Variants in TTC7B observed in about 807,000 individuals in gnomAD.
TTC7B encodes tetratricopeptide repeat domain 7B, also known as tetratricopeptide repeat protein 7B.
Under a neutral mutation model 106.8 loss-of-function variants are expected in TTC7B, and 28 were observed. The observed-to-expected ratio is 0.26, with a 90% confidence interval of 0.19 to 0.36. The LOEUF (loss-of-function observed/expected upper bound fraction) is 0.36. Ranked by LOEUF, TTC7B falls within the 10% of genes least tolerant of loss-of-function variation. TTC7B has a pLI of 1.00. For missense variants in TTC7B, 862 were observed against 1,076.4 expected, an observed-to-expected ratio of 0.80 and a Z score of 2.79; for synonymous variants, 405 against 430.6, an observed-to-expected ratio of 0.94 and a Z score of 0.74.
At chr14:90,677,528 T>C (rs1886887585) in intron 8 of TTC7B, among the ~76,000 whole-genome samples, 2 of 152,230 alleles carry the variant, frequency 1.3e-5, no homozygotes. Context: ...TTTTCCCTAA[T>C]AGGAAGTTCA....
In TTC7B at chr14:90,603,917, C is replaced by T. The variant is rs531625210; in HGVS notation, c.1966+6825G>A. 1.6e-4 allele frequency among the ~76,000 whole-genome samples: 24 copies of T among 152,308 alleles called. No individual in the cohort carries two copies. The South Asian group carries it at 4.1e-3, about 26-fold the overall frequency. ...TTGAAACACCTGGTTACTGGCTAGA[C>T]ACTCCCTGAGGATGGAAAGATGACT... On this transcript the variant is annotated intron_variant, in intron 17 of 19. Transcript: ENST00000328459.
intron 15 of TTC7B, 82 bp downstream of exon 15, chr14:90,643,965 TA>T (rs1224062045): frequency 6.5e-7 from 1 of 1,531,102 alleles, no homozygotes; most frequent in African/African-American, 1.4e-5. Flanking sequence ...ATGAGGGACT[TA>T]GACAGATTGG....
At chr14:90,595,652 C>T (rs2139824508) in intron 17 of TTC7B, among the ~76,000 whole-genome samples, 1 of 152,264 alleles carries the variant, frequency 6.6e-6, no homozygotes, top group South Asian at 2.1e-4. Context: ...TCCGCCATTA[C>T]CAAGTTGGCT....
At chr14:90,676,431 G>C in intron 9 of TTC7B, 92 bp downstream of exon 9, 1 of 1,460,730 alleles carries the variant, frequency 6.8e-7, no homozygotes, top group Non-Finnish European at 9.3e-7. Context: ...CTAATAGAGG[G>C]GGGCCCAGGA....
chr14:90,579,416 A>C (rs1891395342), intron 18 of TTC7B, among the ~76,000 whole-genome samples: 2 of 152,260 alleles, frequency 1.3e-5, no homozygotes, highest in African/African-American at 2.4e-5. Flanking sequence ...TCTCCCAGTT[A>C]TGTGTATGTT....
At chr14:90,744,547 G>T (rs546777988) in intron 4 of TTC7B, among the ~76,000 whole-genome samples, 169 of 152,110 alleles carry the variant, frequency 1.1e-3, no homozygotes, top group Non-Finnish European at 2.0e-3. Flanking sequence ...GACCTCAGAA[G>T]ATCCACCTGC....
chr14:90,618,019 T>C lies in TTC7B; in HGVS notation c.1778A>G (p.Gln593Arg). 6.2e-7 allele frequency: 1 copy of C among 1,613,672 alleles called. No homozygotes were observed. The highest frequency in any genetic ancestry group is 8.5e-7 in the Non-Finnish European group (1 of 1,179,554). ...CTCGTCCGGGCCTCGGCAGAGTGAC[T>C]GCAACTTCACTTTGGAAAACAGTAG... ...FILLFSKVKL[Q>R]SLCRGPDEAL... The change falls in exon 16 of 20, where the codon CAG (glutamine) becomes CGG (arginine). Residue 593 changes from glutamine to arginine, a missense_variant. By Grantham distance (43) the Gln-to-Arg change is conservative. Coordinates refer to ENST00000328459, the MANE Select transcript of TTC7B (RefSeq NM_001010854.2).
chr14:90,541,404 G>T lies in TTC7B; in HGVS notation c.2496C>A (p.Pro832=), dbSNP rs567044195. 32 of 1,610,770 alleles carry T rather than the reference G, an allele frequency of 2.0e-5. No individual in the cohort carries two copies. The African/African-American group carries it at 4.0e-4, about 20-fold the overall frequency. Residue 832 remains proline, a synonymous_variant, in exon 20 of 20, where the codon CCC becomes CCA. Coordinates refer to ENST00000328459, the MANE Select transcript of TTC7B (RefSeq NM_001010854.2). The stretch of plus-strand genomic sequence containing the variant: ...GGGGGATGATGGTGAAGGGCACGGC[G>T]GGGCTGCTGGCCTCCAGCTCCAAGG... The part of the protein sequence containing the change: ...LTALELEASS[P]AVPFTIIPRV...
At chr14:90,687,357 C>G (rs1887286814) in intron 7 of TTC7B, among the ~76,000 whole-genome samples, 1 of 152,110 alleles carries the variant, frequency 6.6e-6, no homozygotes, top group South Asian at 2.1e-4. Context: ...TCCTTGTACA[C>G]ATGGGAAAGC....
At chr14:90,567,599 AT>A (rs1175840096) in intron 19 of TTC7B, 1 of 152,204 alleles carries the variant, frequency 6.6e-6, no homozygotes, top group Non-Finnish European at 1.5e-5. Context: ...CCCCACCCCC[AT>A]CTCAAGAAGG....
chr14:90,680,777 C>T (rs1482925130), intron 7 of TTC7B, among the ~76,000 whole-genome samples: 1 of 151,980 alleles, frequency 6.6e-6, no homozygotes, highest in African/African-American at 2.4e-5. Flanking sequence ...AGTTAAAAGC[C>T]CAAATAACAT....
At chr14:90,659,482 C>T (rs1886097063) in intron 9 of TTC7B, among the ~76,000 whole-genome samples, 1 of 151,918 alleles carries the variant, frequency 6.6e-6, no homozygotes, top group Non-Finnish European at 1.5e-5. Context: ...TCAGATCAGT[C>T]CAGAAGAGTA....
intron 17 of TTC7B, chr14:90,603,381 C>A (rs1389392022): frequency 2.9e-6 from 3 of 1,017,938 alleles, no homozygotes; most frequent in East Asian, 1.2e-4. Flanking sequence ...ACTAAAAAAG[C>A]GAACAGAGTT....
In TTC7B at chr14:90,757,398, C is replaced by A. The variant is rs1238508497; in HGVS notation, c.446-12476G>T. ...GTTTGGGGCTGCAGGGAGCTATGAT[C>A]GCACTACTGCACTCCAGCCTGGGTG... On this transcript the variant is annotated intron_variant, in intron 3 of 19. Transcript: ENST00000328459. The surrounding 1 kb of genome is among the most constrained non-coding windows in gnomAD (Gnocchi z 4.1). Among the ~76,000 whole-genome samples, 1 of 152,024 alleles carries A rather than the reference C, an allele frequency of 6.6e-6. No individual in the cohort carries two copies. The highest frequency in any genetic ancestry group is 1.5e-5 in the Non-Finnish European group (1 of 68,012).
intron 3 of TTC7B, among the ~76,000 whole-genome samples, chr14:90,760,751 C>T (rs1890472565): frequency 6.6e-6 from 1 of 152,192 alleles, no homozygotes; most frequent in African/African-American, 2.4e-5. Flanking sequence ...TAGCCATGCC[C>T]TCCAAATGAG....
chr14:90,813,718 T>G (rs972737278), intron 1 of TTC7B, among the ~76,000 whole-genome samples: 1 of 151,716 alleles, frequency 6.6e-6, no homozygotes, highest in African/African-American at 2.4e-5. Flanking sequence ...GTAACTGTCT[T>G]AGTGTGACAA....
At chr14:90,733,522 G>C (rs1035974816) in intron 4 of TTC7B, among the ~76,000 whole-genome samples, 11 of 152,196 alleles carry the variant, frequency 7.2e-5, no homozygotes, top group Non-Finnish European at 1.3e-4. Flanking sequence ...TAAGCATCTT[G>C]AACTTAATCC....
chr14:90,724,002 C>T (rs1343678801), intron 5 of TTC7B, among the ~76,000 whole-genome samples: 1 of 152,182 alleles, frequency 6.6e-6, no homozygotes, highest in African/African-American at 2.4e-5. Context: ...ATCACTCCAG[C>T]CAGACTGGTC....
At chr14:90,707,929 G>A (rs907799636) in intron 5 of TTC7B, among the ~76,000 whole-genome samples, 1 of 152,146 alleles carries the variant, frequency 6.6e-6, no homozygotes, top group East Asian at 1.9e-4. Context: ...GGCGGATCAC[G>A]AGGTTAGGAG....
Sources: gnomAD v4.1 joint callset for allele counts (sites outside exome capture counted in the v4.1 genomes callset) on GRCh38, gnomAD v4.1.1 for gene constraint, Gnocchi (gnomAD v3.1) non-coding constraint, MANE v1.5 for transcripts, NCBI Gene and HGNC (gene_info 2026-07-23, HGNC 2026-07-21) for gene names.